Variants in CTNNA2 observed in about 807,000 individuals in gnomAD.
CTNNA2 encodes catenin alpha-2.
CTNNA2 carries 42 observed loss-of-function variants against 101.0 expected under a neutral mutation model. That is an observed-to-expected ratio of 0.42 (90% confidence interval 0.32 to 0.54). The LOEUF is 0.54. Ranked by LOEUF, CTNNA2 falls within the 20% of genes least tolerant of loss-of-function variation. The pLI is 0.14. For synonymous variants in CTNNA2, 450 were observed against 456.4 expected, an observed-to-expected ratio of 0.99 and a Z score of 0.18; for missense variants, 871 against 1,223.1, an observed-to-expected ratio of 0.71 and a Z score of 4.29.
At chr2:79,796,999 T>A (rs1279337275) in intron 3 of CTNNA2, among the ~76,000 whole-genome samples, 1 of 152,162 alleles carries the variant, frequency 6.6e-6, no homozygotes, top group Non-Finnish European at 1.5e-5. Context: ...CACTTTTTCC[T>A]TTTTCACTTC....
At chr2:79,339,792 T>C (rs1677087563) in intron 3 of CTNNA2, 1 of 152,136 alleles carries the variant, frequency 6.6e-6, no homozygotes, top group Non-Finnish European at 1.5e-5. Flanking sequence ...AAAAGAAAAA[T>C]AAGACAATGT....
intron 7 of CTNNA2, among the ~76,000 whole-genome samples, chr2:80,035,851 C>T (rs532005710): frequency 6.6e-6 from 1 of 152,290 alleles, no homozygotes; most frequent in South Asian, 2.1e-4. Context: ...TTCCATCTTT[C>T]AGTGCAGCCT....
chr2:80,013,731 T>C (rs1417766733), intron 7 of CTNNA2, among the ~76,000 whole-genome samples: 1 of 152,130 alleles, frequency 6.6e-6, no homozygotes, highest in African/African-American at 2.4e-5. Context: ...TCAAGCATGC[T>C]CTCCCACATT....
chr2:80,511,425 C>A (rs1008809363), intron 9 of CTNNA2, among the ~76,000 whole-genome samples: 3 of 152,176 alleles, frequency 2.0e-5, no homozygotes, highest in Admixed American at 2.0e-4. Context: ...TAGGTGAGTT[C>A]AAACATGCTT....
intron 7 of CTNNA2, among the ~76,000 whole-genome samples, chr2:80,365,544 C>G (rs1049503439): frequency 5.4e-5 from 8 of 148,376 alleles, no homozygotes; most frequent in African/African-American, 2.0e-4. Flanking sequence ...TGTCTTTTGC[C>G]TACAACATGA....
intron 7 of CTNNA2, among the ~76,000 whole-genome samples, chr2:80,055,699 C>A: frequency 6.6e-6 from 1 of 152,100 alleles, no homozygotes; most frequent in East Asian, 1.9e-4. Context: ...TCCAGTTTGC[C>A]AGTCTTAACC....
intron 14 of CTNNA2, among the ~76,000 whole-genome samples, chr2:80,582,980 ACC>A (rs1695667043): frequency 1.3e-5 from 2 of 152,120 alleles, no homozygotes; most frequent in African/African-American, 4.8e-5. Flanking sequence ...CAATCAAGTG[ACC>A]CAAAAGATAT....
chr2:80,527,419 C>T (rs1446086851), intron 9 of CTNNA2, among the ~76,000 whole-genome samples: 2 of 152,184 alleles, frequency 1.3e-5, no homozygotes, highest in East Asian at 3.9e-4. Flanking sequence ...TTTCTGATTT[C>T]TGTGTATCCG....
chr2:79,269,123 G>A (rs548614640), intron 2 of CTNNA2, among the ~76,000 whole-genome samples: 8 of 152,168 alleles, frequency 5.3e-5, no homozygotes, highest in African/African-American at 1.9e-4. Flanking sequence ...CACCTGAGGT[G>A]TACTGAGCTC....
chr2:80,502,659 G>A (rs1226337166), intron 9 of CTNNA2, among the ~76,000 whole-genome samples: 1 of 152,160 alleles, frequency 6.6e-6, no homozygotes, highest in African/African-American at 2.4e-5. Flanking sequence ...CAGGCTGTCA[G>A]GCAGCTCATC....
chr2:79,560,825 G>A (rs995952264), intron 1 of CTNNA2, among the ~76,000 whole-genome samples: 1 of 151,864 alleles, frequency 6.6e-6, no homozygotes, highest in African/African-American at 2.4e-5. Context: ...CAACCTCAGA[G>A]ATTGTCCATT....
intron 13 of CTNNA2, chr2:80,579,289 T>A (rs1162766905): frequency 6.6e-6 from 1 of 152,228 alleles, no homozygotes; most frequent in Non-Finnish European, 1.5e-5. Flanking sequence ...CATTGACTCA[T>A]CTACTGAATG....
intron 4 of CTNNA2, among the ~76,000 whole-genome samples, chr2:79,413,486 T>G (rs1431008875): frequency 6.6e-6 from 1 of 152,088 alleles, no homozygotes; most frequent in Admixed American, 6.6e-5. Flanking sequence ...TAGGTTGATT[T>G]TGAATATTAG....
intron 9 of CTNNA2, among the ~76,000 whole-genome samples, chr2:80,484,752 A>G (rs544243785): frequency 2.9e-4 from 44 of 152,184 alleles, no homozygotes; most frequent in Non-Finnish European, 4.3e-4. Context: ...CACACCTGTA[A>G]TCCCAGCACT....
At chr2:80,140,962 T>G (rs1702969690) in intron 7 of CTNNA2, among the ~76,000 whole-genome samples, 1 of 152,124 alleles carries the variant, frequency 6.6e-6, no homozygotes. Flanking sequence ...GCCCAAATGC[T>G]TCATGATTCA....
intron 16 of CTNNA2, among the ~76,000 whole-genome samples, chr2:80,606,288 T>C (rs1239356705): frequency 6.6e-6 from 1 of 151,596 alleles, no homozygotes; most frequent in Non-Finnish European, 1.5e-5. Flanking sequence ...TGTTTTTGAT[T>C]TTACCTTTTT....
chr2:80,360,164 A>C, intron 7 of CTNNA2, among the ~76,000 whole-genome samples: 1 of 152,166 alleles, frequency 6.6e-6, no homozygotes, highest in East Asian at 1.9e-4. Flanking sequence ...GTAGTGAAAC[A>C]AAATATTTAA....
At chr2:79,421,308 AT>A (rs1196559384) in intron 4 of CTNNA2, among the ~76,000 whole-genome samples, 1 of 152,202 alleles carries the variant, frequency 6.6e-6, no homozygotes, top group Non-Finnish European at 1.5e-5. Context: ...GAGATGTGAA[AT>A]GGTAGCAACT....
At chr2:80,549,269 G>T (rs1335356210) in intron 11 of CTNNA2, among the ~76,000 whole-genome samples, 1 of 152,154 alleles carries the variant, frequency 6.6e-6, no homozygotes, top group African/African-American at 2.4e-5. Context: ...GTAGTAGGAA[G>T]CTAAGATCTG....
Sources: allele counts gnomAD v4.1 joint callset (sites outside exome capture counted in the v4.1 genomes callset), GRCh38; gene constraint gnomAD v4.1.1; transcripts MANE v1.5; gene names NCBI Gene and HGNC (gene_info 2026-07-23, HGNC 2026-07-21).